TAFA2: variants seen among roughly 807,000 people sequenced by gnomAD.
TAFA2 encodes the protein TAFA chemokine like family member 2.
A neutral mutation model predicts 18.8 loss-of-function variants in TAFA2; 7 were observed. That is an observed-to-expected ratio of 0.37 (90% CI 0.21 to 0.70). The LOEUF is 0.70. Ranked by LOEUF, TAFA2 falls within the 30% of genes least tolerant of loss-of-function variation. TAFA2 has a pLI of 0.53. For missense variants in TAFA2, 122 were observed against 158.1 expected (o/e 0.77, Z 1.23); for synonymous variants, 60 against 54.2 (o/e 1.11, Z -0.47).
chr12:62,015,168 T>C (rs955358632), intron 1 of TAFA2, among the ~76,000 whole-genome samples: 1 of 152,234 alleles, frequency 6.6e-6, no homozygotes, highest in Non-Finnish European at 1.5e-5. Flanking sequence ...GCATTCCATC[T>C]TTTTCCTTCT....
chr12:61,762,024 C>G (rs758869258), intron 2 of TAFA2, among the ~76,000 whole-genome samples: 25 of 152,052 alleles, frequency 1.6e-4, no homozygotes, highest in Non-Finnish European at 1.3e-4. Flanking sequence ...TGAGATGTCT[C>G]ACTCCCCCTT....
intron 2 of TAFA2, among the ~76,000 whole-genome samples, chr12:61,850,746 C>A (rs114870405): frequency 6.6e-6 from 1 of 151,640 alleles, no homozygotes; most frequent in Non-Finnish European, 1.5e-5. Flanking sequence ...ATTTCATAGA[C>A]GAAATTTTAA....
chr12:61,872,674 C>T (rs1050351596), intron 1 of TAFA2, among the ~76,000 whole-genome samples: 3 of 152,144 alleles, frequency 2.0e-5, no homozygotes, highest in African/African-American at 7.2e-5. Context: ...GTTCCCTACG[C>T]TTCAAGCACA....
intron 4 of TAFA2, among the ~76,000 whole-genome samples, chr12:61,715,725 T>C (rs1869626960): frequency 7.0e-6 from 1 of 142,944 alleles, no homozygotes; most frequent in Non-Finnish European, 1.5e-5. Context: ...CCGGGCAACA[T>C]GGCAAGACCC....
intron 4 of TAFA2, among the ~76,000 whole-genome samples, chr12:61,745,242 T>C (rs1016551906): frequency 3.3e-5 from 5 of 152,122 alleles, no homozygotes; most frequent in African/African-American, 1.2e-4. Flanking sequence ...GTTCTCTCCA[T>C]CTCACATAAT....
upstream of TAFA2, among the ~76,000 whole-genome samples, chr12:62,197,107 G>A (rs116476524): frequency 0.024 from 3,590 of 152,212 alleles, 144 homozygotes; most frequent in African/African-American, 0.08. Context: ...CAGGTTGTGC[G>A]CTCCTTATGA....
chr12:61,953,601 T>C (rs1369621082), intron 1 of TAFA2, among the ~76,000 whole-genome samples: 1 of 152,100 alleles, frequency 6.6e-6, no homozygotes, highest in Non-Finnish European at 1.5e-5. Context: ...AAAAAAAATG[T>C]GTATCCTTAT....
In TAFA2 at chr12:62,177,936, C is replaced by A. The variant is rs141115409; in HGVS notation, c.-2+13323G>T. Among the ~76,000 whole-genome samples the A allele has an allele frequency of 9.8e-4, 150 of 152,306 alleles. 2 individuals carry two copies. The highest frequency in any genetic ancestry group is 3.5e-3 in the African/African-American group (146 of 41,564). ...GCTGGTGTCACTGGCTTCCTACTCT[C>A]CCCTCCATGGAGTCTATCCCCTATA... On this transcript the variant is annotated intron_variant, in intron 1 of 4. Transcript: ENST00000416284.
At chr12:62,071,315 G>T (rs541878387) in intron 1 of TAFA2, among the ~76,000 whole-genome samples, 1 of 152,144 alleles carries the variant, frequency 6.6e-6, no homozygotes, top group Non-Finnish European at 1.5e-5. Context: ...CACAGGAAGC[G>T]GGGGTGAGAA....
intron 2 of TAFA2, among the ~76,000 whole-genome samples, chr12:61,773,955 C>T (rs1283227480): frequency 1.3e-5 from 2 of 151,682 alleles, no homozygotes; most frequent in Non-Finnish European, 3.0e-5. Flanking sequence ...ACTATGCATC[C>T]CTCAAAGGAC....
chr12:61,963,755 G>A (rs966122026), intron 1 of TAFA2, among the ~76,000 whole-genome samples: 1 of 151,956 alleles, frequency 6.6e-6, no homozygotes, highest in Admixed American at 6.6e-5. Context: ...AACCAAAAGA[G>A]AGCCCCTGTA....
At chr12:62,247,253 T>C (rs2062891130) in intron 1 of TAFA2, among the ~76,000 whole-genome samples, 1 of 152,218 alleles carries the variant, frequency 6.6e-6, no homozygotes, top group East Asian at 1.9e-4. Context: ...TTATGTAAGT[T>C]GGAACTAATT....
chr12:61,734,798 C>A (rs1868277714), intron 4 of TAFA2, among the ~76,000 whole-genome samples: 1 of 151,980 alleles, frequency 6.6e-6, no homozygotes, highest in Admixed American at 6.6e-5. Flanking sequence ...AATTTACCAT[C>A]TTTACCATTT....
At chr12:61,932,694 C>T (rs1433604110) in intron 1 of TAFA2, among the ~76,000 whole-genome samples, 1 of 152,160 alleles carries the variant, frequency 6.6e-6, no homozygotes, top group African/African-American at 2.4e-5. Flanking sequence ...TCCTCCTCGA[C>T]CTCCCAAAGT....
At chr12:61,926,310 T>A (rs530559060) in intron 1 of TAFA2, among the ~76,000 whole-genome samples, 1 of 152,014 alleles carries the variant, frequency 6.6e-6, no homozygotes, top group African/African-American at 2.4e-5. Flanking sequence ...TTCCAAACAA[T>A]AGAAAAAGAG....
At chr12:61,908,279 G>C (rs1337914748) in intron 1 of TAFA2, among the ~76,000 whole-genome samples, 1 of 152,108 alleles carries the variant, frequency 6.6e-6, no homozygotes, top group Non-Finnish European at 1.5e-5. Flanking sequence ...GTAATCAAAT[G>C]ATGGGGGCAG....
chr12:61,738,328 CAA>C (rs879676880), intron 4 of TAFA2, among the ~76,000 whole-genome samples: 61 of 147,450 alleles, frequency 4.1e-4, no homozygotes, highest in African/African-American at 1.5e-3. Flanking sequence ...CACACACACA[CAA>C]ACCTAGCTCA....
chr12:61,801,999 G>C (rs1404217456), intron 2 of TAFA2, among the ~76,000 whole-genome samples: 2 of 151,954 alleles, frequency 1.3e-5, no homozygotes. Flanking sequence ...TAGCCAACAA[G>C]TATACTTTTA....
chr12:61,726,536 G>A (rs1870175052), intron 4 of TAFA2, among the ~76,000 whole-genome samples: 1 of 151,940 alleles, frequency 6.6e-6, no homozygotes, highest in Non-Finnish European at 1.5e-5. Context: ...TTCTCAGCTT[G>A]GTCACTATTG....
Sources: gnomAD v4.1 joint callset for allele counts (sites outside exome capture counted in the v4.1 genomes callset) on GRCh38, gnomAD v4.1.1 for gene constraint, MANE v1.5 for transcripts, NCBI Gene and HGNC (gene_info 2026-07-23, HGNC 2026-07-21) for gene names.